TFAP2E: variants seen among roughly 807,000 people sequenced by gnomAD.
TFAP2E encodes transcription factor AP-2-epsilon.
Under a neutral mutation model 37.9 loss-of-function variants are expected in TFAP2E, and 30 were observed. That is an observed-to-expected ratio of 0.79 (90% CI 0.59 to 1.07). TFAP2E has a LOEUF of 1.07. Ranked by LOEUF, TFAP2E falls within the 50% of genes least tolerant of loss-of-function variation. The pLI, the probability that TFAP2E is intolerant of heterozygous loss-of-function variation, is 0.00. For missense variants in TFAP2E, 567 were observed against 637.9 expected (o/e 0.89, Z 1.20); for synonymous variants, 318 against 295.8 (o/e 1.08, Z -0.77).
At chr1:35,594,179 G>T (rs1441730185) in intron 6 of TFAP2E, among the ~76,000 whole-genome samples, 1 of 152,230 alleles carries the variant, frequency 6.6e-6, no homozygotes, top group Admixed American at 6.5e-5. Flanking sequence ...TGATCGACAT[G>T]TGCTGTTTAT....
At chr1:35,594,353 G>A in intron 6 of TFAP2E, 41 bp from the exon 7 acceptor site, 2 of 1,595,786 alleles carry the variant, frequency 1.3e-6, no homozygotes, top group Non-Finnish European at 1.7e-6. Flanking sequence ...TCTGGGCTCA[G>A]ACTTTTGTCC....
Position 35,590,446 on chromosome 1 carries a change from C to G in TFAP2E, c.905-188C>G, listed in dbSNP as rs1305129494. Among the ~76,000 whole-genome samples the G allele has an allele frequency of 1.3e-5, 2 of 151,986 alleles. No individual in the cohort carries two copies. The highest frequency in any genetic ancestry group is 2.9e-5 in the Non-Finnish European group (2 of 67,956). On this transcript the variant is annotated intron_variant, in intron 5 of 6. Coordinates refer to ENST00000373235, the MANE Select transcript of TFAP2E (RefSeq NM_178548.4). This position sits in a 1 kb window ranked among gnomAD's most constrained non-coding sequence, Gnocchi z 6.2. ...CAGCTCCCATCTCTGAGCTCAGAGC[C>G]CAACCCTAATGGCCCCAAGGTGGGG...
chr1:35,594,355 C>T (rs1205968392), intron 6 of TFAP2E, 39 bp from the exon 7 acceptor site: 4 of 1,597,174 alleles, frequency 2.5e-6, no homozygotes, highest in Non-Finnish European at 3.4e-6. Context: ...TGGGCTCAGA[C>T]TTTTGTCCTC....
intron 3 of TFAP2E, among the ~76,000 whole-genome samples, chr1:35,579,687 G>A (rs986349098): frequency 2.6e-5 from 4 of 151,908 alleles, no homozygotes; most frequent in African/African-American, 4.8e-5. Flanking sequence ...GAGCCACCAC[G>A]CTTGGCCTTT....
chr1:35,592,802 G>A (rs1015123406), intron 6 of TFAP2E, among the ~76,000 whole-genome samples: 23 of 152,190 alleles, frequency 1.5e-4, no homozygotes, highest in African/African-American at 5.1e-4. Flanking sequence ...GCACCTTGCT[G>A]TGTGTCCTCA....
At chr1:35,574,539 G>C (rs1649113269) in intron 2 of TFAP2E, 130 bp downstream of exon 2, 1 of 1,337,634 alleles carries the variant, frequency 7.5e-7, no homozygotes, top group Non-Finnish European at 9.7e-7. Flanking sequence ...TGGTGACTCC[G>C]AGGATGTGTC....
intron 6 of TFAP2E, among the ~76,000 whole-genome samples, chr1:35,591,691 G>C (rs747697817): frequency 2.9e-4 from 44 of 152,298 alleles, no homozygotes; most frequent in Non-Finnish European, 5.4e-4. Context: ...ATTTAGTTTT[G>C]TTTTTGTTTT....
At position 35,573,998 on chromosome 1, in the gene TFAP2E, G is replaced by T. The variant is rs1370052591; in HGVS notation, c.99G>T (p.Gly33=). Residue 33 remains glycine, a synonymous_variant, in exon 2 of 7, where the codon GGG becomes GGT. Coordinates refer to ENST00000373235, the MANE Select transcript of TFAP2E (RefSeq NM_178548.4). This position sits in a 1 kb window ranked among gnomAD's most constrained non-coding sequence, Gnocchi z 5.9. ...RLSSLPQAAY[G]PAPPLCHTPA... is the part of the protein sequence containing the mutation. The stretch of plus-strand genomic sequence containing the variant: ...CGTCTCTGCCCCAGGCGGCCTACGG[G>T]CCGGCGCCCCCGCTCTGCCACACGC... The T allele has an allele frequency of 1.1e-5, 16 of 1,485,694 alleles. No individual in the cohort carries two copies. Among genetic ancestry groups the T allele is most frequent in the Non-Finnish European group, 1.4e-5 (16 of 1,126,766 alleles). 92.0% of individuals were successfully genotyped at this position (1,485,694 alleles called of 1,614,324 possible).
At position 35,573,655 on chromosome 1, in the gene TFAP2E, G is replaced by A. The variant is rs1188664219; in HGVS notation, c.27+51G>A. On this transcript the variant is annotated intron_variant, in intron 1 of 6. Coordinates refer to ENST00000373235, the MANE Select transcript of TFAP2E (RefSeq NM_178548.4). The surrounding 1 kb of genome is among the most constrained non-coding windows in gnomAD (Gnocchi z 5.9). Reference sequence around the variant, plus strand: ...ATTCGGCCGGGGGATCGGGGCGCCTGAGTGCTGGACTTTCCAACCCTCCTG... The same window carrying A: ...ATTCGGCCGGGGGATCGGGGCGCCTAAGTGCTGGACTTTCCAACCCTCCTG... The A allele has an allele frequency of 2.6e-6, 4 of 1,535,178 alleles. No individual in the cohort carries two copies. In the African/African-American group the frequency reaches 4.2e-5, roughly 16 times the overall value.
At chr1:35,583,506 C>T (rs1490823634) in intron 3 of TFAP2E, among the ~76,000 whole-genome samples, 1 of 152,122 alleles carries the variant, frequency 6.6e-6, no homozygotes, top group Non-Finnish European at 1.5e-5. Context: ...GTCTGTTGCA[C>T]ACTTGCCTAG....
At chr1:35,579,079 CAAAAAAAA>C (rs578084271) in intron 3 of TFAP2E, among the ~76,000 whole-genome samples, 21 of 16,844 alleles carry the variant, frequency 1.2e-3, no homozygotes, top group African/African-American at 1.4e-3. Context: ...GAGACTATCT[CAAAAAAAA>C]AAAAAAAAAA....
At chr1:35,591,608 C>T (rs150255513) in intron 6 of TFAP2E, among the ~76,000 whole-genome samples, 6 of 152,314 alleles carry the variant, frequency 3.9e-5, no homozygotes, top group Non-Finnish European at 7.4e-5. Flanking sequence ...CAATGGTTCC[C>T]GCTGCATTGA....
chr1:35,574,801 AGC>A, intron 2 of TFAP2E, 146 bp from the exon 3 acceptor site: 1 of 1,018,704 alleles, frequency 9.8e-7, no homozygotes, highest in Non-Finnish European at 1.5e-6. Context: ...GCCTGGACAT[AGC>A]GATTCCTGGG....
intron 4 of TFAP2E, among the ~76,000 whole-genome samples, chr1:35,589,028 G>A (rs1051561324): frequency 1.3e-5 from 2 of 152,110 alleles, no homozygotes; most frequent in Non-Finnish European, 2.9e-5. Context: ...GGGTATTTCT[G>A]CTTCAGGGCC....
chr1:35,594,326 C>A, intron 6 of TFAP2E, 68 bp from the exon 7 acceptor site: 1 of 1,565,220 alleles, frequency 6.4e-7, no homozygotes, highest in South Asian at 1.2e-5. Context: ...AAATGCCTAG[C>A]ATGTAGCAGG....
Position 35,577,036 on chromosome 1 carries a change from ACCCCAGCGCCAG to A in TFAP2E, c.562+2038_562+2049del. Among the ~76,000 whole-genome samples the A allele has an allele frequency of 1.0e-5, 1 of 100,180 alleles. No homozygotes were observed. Among genetic ancestry groups the A allele is most frequent in the African/African-American group, 3.6e-5 (1 of 27,792 alleles). 65.7% of individuals were successfully genotyped at this position (100,180 alleles called of 152,430 possible). A position where few individuals can be genotyped will look rare whatever the true frequency, so the allele number is the denominator to read the frequency against. ...CCAGCGGGACCCCAGCGCCAGCGGG[ACCCCAGCGCCAG>A]CGGGTCTGTGGCCCAGTGGAGCGAG... On this transcript the variant is annotated intron_variant, in intron 3 of 6. Coordinates refer to ENST00000373235, the MANE Select transcript of TFAP2E (RefSeq NM_178548.4). The surrounding 1 kb of genome is among the most constrained non-coding windows in gnomAD (Gnocchi z 6.3).
At position 35,573,651 on chromosome 1, in the gene TFAP2E, G is replaced by A; in HGVS notation, c.27+47G>A. On this transcript the variant is annotated intron_variant, in intron 1 of 6. Coordinates refer to ENST00000373235, the MANE Select transcript of TFAP2E (RefSeq NM_178548.4). The surrounding 1 kb of genome is among the most constrained non-coding windows in gnomAD (Gnocchi z 5.9). ...ACATATTCGGCCGGGGGATCGGGGC[G>A]CCTGAGTGCTGGACTTTCCAACCCT... The A allele has an allele frequency of 6.5e-7, 1 of 1,535,050 alleles. No homozygotes were observed. The highest frequency in any genetic ancestry group is 1.4e-5 in the African/African-American group (1 of 71,184).
At chr1:35,576,414 T>G (rs1649171059) in intron 3 of TFAP2E, among the ~76,000 whole-genome samples, 4 of 152,124 alleles carry the variant, frequency 2.6e-5, no homozygotes, top group Admixed American at 2.6e-4. Context: ...GTTGGCTTAC[T>G]GTACAGAGCC....
At position 35,584,111 on chromosome 1, in the gene TFAP2E, A is replaced by AT. The variant is rs891325869; in HGVS notation, c.563-4211dup. Among the ~76,000 whole-genome samples, 80 of 151,652 alleles carry AT rather than the reference A, an allele frequency of 5.3e-4. 1 individual carries two copies. The highest frequency in any genetic ancestry group is 8.1e-4 in the Non-Finnish European group (55 of 67,824). ...TTCTTGTATACAGTCATCCTTTTTT[A>AT]TTTTTTTTGAGATGGAGTTTCGCTC... is the stretch of plus-strand genomic sequence containing the variant. On this transcript the variant is annotated intron_variant, in intron 3 of 6. Coordinates refer to ENST00000373235, the MANE Select transcript of TFAP2E (RefSeq NM_178548.4).
Sources: allele counts gnomAD v4.1 joint callset (sites outside exome capture counted in the v4.1 genomes callset), GRCh38; gene constraint gnomAD v4.1.1; non-coding constraint Gnocchi (gnomAD v3.1); transcripts MANE v1.5; gene names NCBI Gene and HGNC (gene_info 2026-07-23, HGNC 2026-07-21).